Variants in PRDM16 observed in about 807,000 individuals in gnomAD.
The protein encoded by PRDM16 is PR/SET domain 16, also known as histone-lysine N-methyltransferase PRDM16.
In PRDM16, 23 loss-of-function variants were observed where a neutral mutation model predicts 110.6. The ratio of observed to expected loss-of-function variants is 0.21; its 90% CI spans 0.15 to 0.29. The LOEUF (loss-of-function observed/expected upper bound fraction) is 0.29, where lower values mean the gene tolerates loss of function less well. Among genes scored for constraint, PRDM16 ranks in the 10% least tolerant of loss-of-function variants. PRDM16 has a pLI of 1.00. For missense variants in PRDM16, 1,615 were observed against 1,794.3 expected (o/e 0.90, Z 1.81); for synonymous variants, 799 against 781.8 (o/e 1.02, Z -0.37).
intron 1 of PRDM16, among the ~76,000 whole-genome samples, chr1:3,114,496 ACACG>A (rs1025422423): frequency 1.3e-5 from 2 of 150,260 alleles, no homozygotes; most frequent in African/African-American, 2.5e-5. Context: ...ACGCACGCAC[ACACG>A]CGCATGCACA....
chr1:3,375,943 G>A (rs1310682666), intron 3 of PRDM16, among the ~76,000 whole-genome samples: 1 of 152,234 alleles, frequency 6.6e-6, no homozygotes, highest in African/African-American at 2.4e-5. Flanking sequence ...AAACTCCACA[G>A]CAGAGATGGC....
chr1:3,286,237 A>G (rs1033241969), intron 3 of PRDM16, among the ~76,000 whole-genome samples: 20 of 152,322 alleles, frequency 1.3e-4, no homozygotes, highest in Admixed American at 8.5e-4. Flanking sequence ...GACACCAGGA[A>G]TATTGCAAGT....
chr1:3,240,106 G>A (rs976166648), intron 2 of PRDM16, among the ~76,000 whole-genome samples: 43 of 149,028 alleles, frequency 2.9e-4, no homozygotes, highest in Middle Eastern at 3.2e-3. Flanking sequence ...GAGAGGAGAG[G>A]AGGAGAAGAG....
intron 3 of PRDM16, among the ~76,000 whole-genome samples, chr1:3,312,974 C>T (rs1641499943): frequency 6.6e-6 from 1 of 152,234 alleles, no homozygotes; most frequent in Non-Finnish European, 1.5e-5. Context: ...CAGCTATCAA[C>T]TTGTGACTTC....
intron 8 of PRDM16, among the ~76,000 whole-genome samples, chr1:3,410,060 G>A (rs1643657053): frequency 6.8e-6 from 1 of 145,986 alleles, no homozygotes; most frequent in Non-Finnish European, 1.5e-5. Flanking sequence ...AATGTGGTGT[G>A]TGGTTGTGTA....
At chr1:3,319,584 GC>G (rs1433116167) in intron 3 of PRDM16, among the ~76,000 whole-genome samples, 5 of 152,186 alleles carry the variant, frequency 3.3e-5, no homozygotes, top group African/African-American at 1.2e-4. Flanking sequence ...CTCACCAGTG[GC>G]CCCTGGCTTC....
chr1:3,111,862 C>T (rs749632279), intron 1 of PRDM16, among the ~76,000 whole-genome samples: 3 of 152,224 alleles, frequency 2.0e-5, no homozygotes, highest in Non-Finnish European at 2.9e-5. Context: ...CTCCCCAGCC[C>T]GCCCTTTGAA....
At chr1:3,181,525 AGCGGTCTTACACACGGTCTTACACAC>A (rs1644185205) in intron 1 of PRDM16, among the ~76,000 whole-genome samples, 1 of 4,280 alleles carries the variant, frequency 2.3e-4, no homozygotes, top group Admixed American at 4.4e-3. Context: ...GTCTTACACA[AGCGGTCTTACACACGGTCTTACACAC>A]GCAGTCTTAC....
At chr1:3,085,610 G>A (rs565145066) in intron 1 of PRDM16, among the ~76,000 whole-genome samples, 5 of 152,370 alleles carry the variant, frequency 3.3e-5, no homozygotes, top group Admixed American at 3.3e-4. Flanking sequence ...GCTGAGTGGG[G>A]TAATCCATCC....
intron 3 of PRDM16, among the ~76,000 whole-genome samples, chr1:3,361,443 A>G (rs1031968107): frequency 1.3e-5 from 2 of 152,260 alleles, no homozygotes; most frequent in African/African-American, 4.8e-5. Flanking sequence ...AGTTGTGTGT[A>G]GCACAAGATA....
At chr1:3,169,783 C>T (rs891421437) in intron 1 of PRDM16, among the ~76,000 whole-genome samples, 2 of 152,202 alleles carry the variant, frequency 1.3e-5, no homozygotes, top group East Asian at 3.9e-4. Context: ...TCCCCCGCAG[C>T]CCCTGGTTCC....
Position 3,209,366 on chromosome 1 carries a change from G to A in PRDM16, c.387+22892G>A, listed in dbSNP as rs979559150. ...ACGCAGCTCCGACGTGGCCGGTCCC[G>A]ACTGGCACACCTGCCCCGAGTCACC... is the stretch of plus-strand genomic sequence containing the variant. On this transcript the variant is annotated intron_variant, in intron 2 of 16. Transcript: ENST00000270722. This position sits in a 1 kb window ranked among gnomAD's most constrained non-coding sequence, Gnocchi z 4.6. Among the ~76,000 whole-genome samples, 1 of 152,164 alleles carries A rather than the reference G, an allele frequency of 6.6e-6. No homozygotes were observed. Among genetic ancestry groups the A allele is most frequent in the African/African-American group, 2.4e-5 (1 of 41,432 alleles).
chr1:3,361,332 C>T (rs1429944369), intron 3 of PRDM16, among the ~76,000 whole-genome samples: 1 of 152,200 alleles, frequency 6.6e-6, no homozygotes, highest in Admixed American at 6.5e-5. Flanking sequence ...TGAAGCCGTC[C>T]AGGACCCAGA....
At chr1:3,304,656 T>C (rs1641273387) in intron 3 of PRDM16, among the ~76,000 whole-genome samples, 1 of 152,164 alleles carries the variant, frequency 6.6e-6, no homozygotes, top group Admixed American at 6.5e-5. Flanking sequence ...TTTGTGTGCA[T>C]TGATGACAGC....
intron 3 of PRDM16, among the ~76,000 whole-genome samples, chr1:3,250,374 G>C (rs2100215881): frequency 6.6e-6 from 1 of 152,258 alleles, no homozygotes; most frequent in Admixed American, 6.5e-5. Flanking sequence ...GGCTGATAAG[G>C]GTGATTAATG....
chr1:3,134,673 A>G (rs1272284064), intron 1 of PRDM16, among the ~76,000 whole-genome samples: 1 of 152,284 alleles, frequency 6.6e-6, no homozygotes, highest in Non-Finnish European at 1.5e-5. Context: ...TGGTCCAGAA[A>G]AGTCAACATC....
rs1160905230 is a variant in PRDM16, at chr1:3,269,603, AG to A, written c.438+25467del. Among the ~76,000 whole-genome samples the A allele has an allele frequency of 3.5e-5, 3 of 85,588 alleles. No homozygotes were observed. In the African/African-American group the frequency reaches 3.8e-4, roughly 11 times the overall value. The allele number at this position is 85,588 out of a possible 152,430, so 56.1% of individuals were successfully genotyped here. On this transcript the variant is annotated intron_variant, in intron 3 of 16. Coordinates refer to ENST00000270722, the MANE Select transcript of PRDM16 (RefSeq NM_022114.4). Reference sequence around the variant, plus strand: ...GGAGGAGGACAGTCGGGAGGAGGACAGTCCCAGAGGAGCACAGTCCCAGAGG... The same window carrying A: ...GGAGGAGGACAGTCGGGAGGAGGACATCCCAGAGGAGCACAGTCCCAGAGG...
At chr1:3,338,978 G>A (rs1182778542) in intron 3 of PRDM16, among the ~76,000 whole-genome samples, 1 of 152,222 alleles carries the variant, frequency 6.6e-6, no homozygotes, top group Non-Finnish European at 1.5e-5. Flanking sequence ...GAAGCCCGTT[G>A]TGACAGTGAC....
intron 3 of PRDM16, among the ~76,000 whole-genome samples, chr1:3,345,046 C>G (rs1198509539): frequency 6.6e-6 from 1 of 152,222 alleles, no homozygotes; most frequent in Non-Finnish European, 1.5e-5. Context: ...CTCCCCTCAA[C>G]TTACAGATGC....
Sources: gnomAD v4.1 joint callset for allele counts (sites outside exome capture counted in the v4.1 genomes callset) on GRCh38, gnomAD v4.1.1 for gene constraint, Gnocchi (gnomAD v3.1) non-coding constraint, MANE v1.5 for transcripts, NCBI Gene and HGNC (gene_info 2026-07-23, HGNC 2026-07-21) for gene names.